TMEM178A: variants seen among roughly 807,000 people sequenced by gnomAD.
TMEM178A encodes transmembrane protein 178A.
Under a neutral mutation model 29.1 loss-of-function variants are expected in TMEM178A, and 12 were observed. The ratio of observed to expected loss-of-function variants is 0.41; its 90% CI spans 0.26 to 0.67. The LOEUF is 0.67. TMEM178A is among the 30% of genes least tolerant of loss of function. The pLI is 0.29. For synonymous variants in TMEM178A, 210 were observed against 187.2 expected (o/e 1.12, Z -0.99); for missense variants, 366 against 419.1 (o/e 0.87, Z 1.11).
At chr2:39,693,800 A>G (rs1011194935) in intron 1 of TMEM178A, among the ~76,000 whole-genome samples, 4 of 152,204 alleles carry the variant, frequency 2.6e-5, no homozygotes, top group African/African-American at 7.2e-5. Context: ...AAATTTTAAA[A>G]TACGATATTA....
intron 1 of TMEM178A, among the ~76,000 whole-genome samples, chr2:39,693,803 C>G (rs73927042): frequency 1.3e-5 from 2 of 152,068 alleles, no homozygotes; most frequent in Non-Finnish European, 2.9e-5. Context: ...TTTTAAAATA[C>G]GATATTACTT....
intron 2 of TMEM178A, among the ~76,000 whole-genome samples, chr2:39,705,015 T>C (rs1671963107): frequency 6.6e-6 from 1 of 152,252 alleles, no homozygotes; most frequent in Non-Finnish European, 1.5e-5. Flanking sequence ...GAAGCTCTTA[T>C]GATATTGCCA....
intron 3 of TMEM178A, among the ~76,000 whole-genome samples, chr2:39,714,170 G>A (rs912847038): frequency 2.0e-5 from 3 of 152,110 alleles, no homozygotes; most frequent in Admixed American, 6.5e-5. Context: ...AACTTCGAGA[G>A]CACTTTGAAA....
chr2:39,684,761 C>A (rs968401716), intron 1 of TMEM178A, among the ~76,000 whole-genome samples: 2 of 152,058 alleles, frequency 1.3e-5, no homozygotes, highest in Admixed American at 1.3e-4. Context: ...TCTCATCACT[C>A]TCCCTCTCAT....
At chr2:39,705,570 A>G (rs1359488108) in intron 2 of TMEM178A, among the ~76,000 whole-genome samples, 6 of 152,350 alleles carry the variant, frequency 3.9e-5, no homozygotes, top group Non-Finnish European at 7.3e-5. Flanking sequence ...ATTGGTGTCC[A>G]CATTTCTTCT....
the TMEM178A span, among the ~76,000 whole-genome samples, chr2:39,733,156 G>C: frequency 6.6e-6 from 1 of 152,198 alleles, no homozygotes. Flanking sequence ...TGAAGTAGTT[G>C]AAAGAGAATT....
At chr2:39,705,695 C>G (rs985741562) in intron 2 of TMEM178A, among the ~76,000 whole-genome samples, 4 of 152,166 alleles carry the variant, frequency 2.6e-5, no homozygotes, top group African/African-American at 7.2e-5. Flanking sequence ...AGACTGGAAG[C>G]TACTGTAATC....
chr2:39,680,311 G>A (rs935335464), intron 1 of TMEM178A, among the ~76,000 whole-genome samples: 8 of 152,224 alleles, frequency 5.3e-5, no homozygotes, highest in African/African-American at 1.9e-4. Context: ...GTTCTCTCTA[G>A]AAGTGGGTAA....
Position 39,704,184 on chromosome 2 carries a change from G to T in TMEM178A, c.504G>T (p.Trp168Cys). 6.2e-7 allele frequency: 1 copy of T among 1,613,898 alleles called. No individual in the cohort carries two copies. The highest frequency in any genetic ancestry group is 1.1e-5 in the South Asian group (1 of 91,066). ...CCAAGACCATACAGCAAGATGAGTG[G>T]CACCTGCTTCGTAAGTATTTCCAGG... is the stretch of plus-strand genomic sequence containing the variant. ...NLTKTIQQDE[W>C]HLLHLRRITA... Residue 168 changes from tryptophan to cysteine, a missense_variant, in exon 2 of 4, where the codon TGG (tryptophan) becomes TGT (cysteine). Trp to Cys is a radical substitution (Grantham distance 215, BLOSUM62 -2). Transcript: ENST00000281961.
At chr2:39,679,692 G>C (rs895108510) in intron 1 of TMEM178A, among the ~76,000 whole-genome samples, 3 of 152,082 alleles carry the variant, frequency 2.0e-5, no homozygotes, top group Admixed American at 6.5e-5. Context: ...CAATATATTG[G>C]TCATACTTTG....
the TMEM178A span, among the ~76,000 whole-genome samples, chr2:39,733,503 GCAGA>G: frequency 1.3e-5 from 2 of 152,170 alleles, no homozygotes; most frequent in Admixed American, 6.5e-5. Flanking sequence ...CCTTGGCCAG[GCAGA>G]CAGTGCCTGT....
chr2:39,696,153 G>T (rs1671533285), intron 1 of TMEM178A, among the ~76,000 whole-genome samples: 1 of 152,184 alleles, frequency 6.6e-6, no homozygotes, highest in Non-Finnish European at 1.5e-5. Context: ...ATGCAGGGTA[G>T]GTTGAGGGTT....
intron 3 of TMEM178A, among the ~76,000 whole-genome samples, chr2:39,711,144 A>G (rs570888345): frequency 1.2e-4 from 18 of 152,334 alleles, no homozygotes; most frequent in Non-Finnish European, 1.0e-4. Context: ...CAGGCACAGA[A>G]GCATACACAG....
chr2:39,679,922 A>G (rs1042333446), intron 1 of TMEM178A, among the ~76,000 whole-genome samples: 2 of 152,084 alleles, frequency 1.3e-5, no homozygotes, highest in Non-Finnish European at 2.9e-5. Flanking sequence ...AGATTCCTGT[A>G]TGCTGAAAAA....
chr2:39,687,395 A>G (rs1222419459), intron 1 of TMEM178A: 2 of 167,044 alleles, frequency 1.2e-5, no homozygotes, highest in African/African-American at 4.8e-5. Context: ...CACTTGGTCA[A>G]GAGGAGGTTT....
chr2:39,666,184 G>GC lies in TMEM178A; in HGVS notation c.215dup (p.Leu73AlafsTer86). 1 of 1,458,904 alleles carries GC rather than the reference G, an allele frequency of 6.9e-7. No individual in the cohort carries two copies. The highest frequency in any genetic ancestry group is 9.0e-7 in the Non-Finnish European group (1 of 1,109,312). The allele number at this position is 1,458,904 out of a possible 1,614,324, so 90.4% of individuals were successfully genotyped here. On this transcript the variant is annotated frameshift_variant, in exon 1 of 4. Transcript: ENST00000281961. LOFTEE classifies it high-confidence loss of function. ...TGTCGCACCTGCCGCTGCGGGACTC[G>GC]CCCCCGCTGGGGCGCCGGCTGCTCC...
At chr2:39,705,867 A>G (rs1283494382) in intron 2 of TMEM178A, among the ~76,000 whole-genome samples, 1 of 152,216 alleles carries the variant, frequency 6.6e-6, no homozygotes, top group Non-Finnish European at 1.5e-5. Flanking sequence ...TGGATGATCC[A>G]CGTGCATTTG....
intron 1 of TMEM178A, among the ~76,000 whole-genome samples, chr2:39,691,094 A>T (rs111857099): frequency 1.3e-5 from 2 of 152,224 alleles, no homozygotes; most frequent in Admixed American, 6.5e-5. Flanking sequence ...CATATGGGAT[A>T]GTATCAGACA....
the TMEM178A span, among the ~76,000 whole-genome samples, chr2:39,723,042 G>A: frequency 6.6e-6 from 1 of 152,158 alleles, no homozygotes; most frequent in Non-Finnish European, 1.5e-5. Flanking sequence ...CTACACAAAG[G>A]GCCTGGGCTC....
Sources: allele counts gnomAD v4.1 joint callset (sites outside exome capture counted in the v4.1 genomes callset), GRCh38; gene constraint gnomAD v4.1.1; transcripts MANE v1.5; gene names NCBI Gene and HGNC (gene_info 2026-07-23, HGNC 2026-07-21).